TMEM132D: variants seen among roughly 807,000 people sequenced by gnomAD.
The protein encoded by TMEM132D is mature OL transmembrane protein.
Under a neutral mutation model 62.3 loss-of-function variants are expected in TMEM132D, and 21 were observed. The ratio of observed to expected loss-of-function variants is 0.34; its 90% CI spans 0.24 to 0.49. TMEM132D has a LOEUF of 0.49. Ranked by LOEUF, TMEM132D falls within the 20% of genes least tolerant of loss-of-function variation. The probability of loss-of-function intolerance (pLI) is 0.99; values close to 1 mark genes in which losing one functional copy is unlikely to be tolerated. For missense variants in TMEM132D, 1,346 were observed against 1,402.8 expected (o/e 0.96, Z 0.65); for synonymous variants, 621 against 575.6 (o/e 1.08, Z -1.13).
intron 1 of TMEM132D, among the ~76,000 whole-genome samples, chr12:129,807,105 C>T (rs1362744045): frequency 6.6e-6 from 1 of 152,146 alleles, no homozygotes; most frequent in African/African-American, 2.4e-5. Context: ...GAGGATTTTA[C>T]ATGAACATGA....
chr12:129,184,464 C>G (rs1878163148), intron 5 of TMEM132D, among the ~76,000 whole-genome samples: 1 of 152,302 alleles, frequency 6.6e-6, no homozygotes, highest in East Asian at 1.9e-4. Flanking sequence ...ATTTCTGGGC[C>G]GTCTGGCTGA....
At chr12:129,240,686 C>T (rs1395599571) in intron 4 of TMEM132D, among the ~76,000 whole-genome samples, 1 of 152,192 alleles carries the variant, frequency 6.6e-6, no homozygotes, top group African/African-American at 2.4e-5. Context: ...CAAGATAGAA[C>T]TCTTCAAGGT....
intron 3 of TMEM132D, among the ~76,000 whole-genome samples, chr12:129,395,512 C>G (rs6486458): frequency 1.3e-5 from 2 of 152,018 alleles, no homozygotes; most frequent in East Asian, 3.9e-4. Context: ...AGGACGTTCA[C>G]TGCAACGTTT....
chr12:129,632,811 TACCTGAAGTC>T (rs1242754927), intron 2 of TMEM132D, among the ~76,000 whole-genome samples: 2 of 152,228 alleles, frequency 1.3e-5, no homozygotes, highest in African/African-American at 4.8e-5. Context: ...GCCTTATTAA[TACCTGAAGTC>T]ACTAACTATT....
At chr12:129,188,754 GGAGAGAGGGAGAGA>G (rs60353858) in intron 5 of TMEM132D, among the ~76,000 whole-genome samples, 27,111 of 121,742 alleles carry the variant, frequency 0.22, 2,137 homozygotes, top group East Asian at 0.42. Context: ...AGAGGGGGAG[GGAGAGAGGGAGAGA>G]GAGAGAGAGA....
intron 5 of TMEM132D, among the ~76,000 whole-genome samples, chr12:129,102,192 C>T (rs1267269964): frequency 6.6e-6 from 1 of 152,190 alleles, no homozygotes; most frequent in Non-Finnish European, 1.5e-5. Flanking sequence ...AACGAGGCTG[C>T]ATTCATGAAT....
intron 5 of TMEM132D, among the ~76,000 whole-genome samples, chr12:129,189,087 G>C (rs1423533570): frequency 1.3e-5 from 2 of 151,676 alleles, no homozygotes; most frequent in Admixed American, 1.3e-4. Flanking sequence ...TATTTTACAG[G>C]GAAAGGGAGG....
At chr12:129,865,203 T>C (rs946661545) in intron 1 of TMEM132D, among the ~76,000 whole-genome samples, 1 of 151,936 alleles carries the variant, frequency 6.6e-6, no homozygotes, top group African/African-American at 2.4e-5. Context: ...GGCACTGGAG[T>C]GCTGAGGGGT....
intron 3 of TMEM132D, among the ~76,000 whole-genome samples, chr12:129,374,498 G>C (rs930280358): frequency 2.6e-5 from 4 of 152,122 alleles, no homozygotes; most frequent in Non-Finnish European, 5.9e-5. Context: ...GGGATTCATA[G>C]GTGAATTTAG....
Position 129,509,964 on chromosome 12 carries a change from C to T in TMEM132D, c.1115+21095G>A, listed in dbSNP as rs757268367. Among the ~76,000 whole-genome samples, 31 of 152,062 alleles carry T rather than the reference C, an allele frequency of 2.0e-4. 1 individual carries two copies. The highest frequency in any genetic ancestry group is 4.0e-4 in the Non-Finnish European group (27 of 68,002). ...AGATATCTCTTTGATATACTGATTC[C>T]CTTTCTTTTGGGTATATACCGAGCA... On this transcript the variant is annotated intron_variant, in intron 3 of 8. Transcript: ENST00000422113.
At chr12:129,901,631 T>C (rs535730110) in intron 1 of TMEM132D, among the ~76,000 whole-genome samples, 34 of 152,330 alleles carry the variant, frequency 2.2e-4, no homozygotes, top group African/African-American at 7.9e-4. Flanking sequence ...TTTAAGGACA[T>C]GTTCAGTGTT....
intron 2 of TMEM132D, among the ~76,000 whole-genome samples, chr12:129,538,543 T>G (rs915137448): frequency 1.3e-5 from 2 of 152,188 alleles, no homozygotes; most frequent in Non-Finnish European, 2.9e-5. Context: ...TACTAAACCC[T>G]ATACATACTA....
intron 3 of TMEM132D, among the ~76,000 whole-genome samples, chr12:129,515,240 T>C (rs1180100005): frequency 6.6e-6 from 1 of 152,224 alleles, no homozygotes; most frequent in Non-Finnish European, 1.5e-5. Context: ...CGCTGTGTCT[T>C]GTTGCTGTCG....
At chr12:129,332,980 A>G (rs554055524) in intron 4 of TMEM132D, among the ~76,000 whole-genome samples, 49 of 152,344 alleles carry the variant, frequency 3.2e-4, no homozygotes, top group African/African-American at 9.9e-4. Flanking sequence ...TAAACTATAC[A>G]CTTACAATGG....
At chr12:129,374,268 T>TAAGAGAGAGAGAGAGAGA (rs1566048946) in intron 3 of TMEM132D, among the ~76,000 whole-genome samples, 1 of 28,276 alleles carries the variant, frequency 3.5e-5, no homozygotes, top group African/African-American at 1.3e-4. Context: ...ACCTCACACA[T>TAAGAGAGAGAGAGAGAGA]CAGAGAGAGA....
chr12:129,584,050 A>T (rs978013181), intron 2 of TMEM132D, among the ~76,000 whole-genome samples: 4 of 152,174 alleles, frequency 2.6e-5, no homozygotes, highest in Non-Finnish European at 5.9e-5. Context: ...AAAAGTTAGA[A>T]ATTTTAAATC....
intron 5 of TMEM132D, among the ~76,000 whole-genome samples, chr12:129,100,502 C>T (rs1362257473): frequency 1.3e-5 from 2 of 152,218 alleles, no homozygotes; most frequent in Non-Finnish European, 1.5e-5. Context: ...CTGACTGATG[C>T]AGTGCAGTCA....
At chr12:129,896,681 C>T (rs35680367) in intron 1 of TMEM132D, among the ~76,000 whole-genome samples, 13,821 of 152,052 alleles carry the variant, frequency 0.091, 1,271 homozygotes, top group African/African-American at 0.24. Flanking sequence ...TTTGGAACCT[C>T]TTGTCTTTCC....
At chr12:129,511,634 A>G (rs1875499936) in intron 3 of TMEM132D, among the ~76,000 whole-genome samples, 1 of 152,116 alleles carries the variant, frequency 6.6e-6, no homozygotes, top group Non-Finnish European at 1.5e-5. Context: ...CTGTATATCT[A>G]CTTTTGTGAA....
Sources: gnomAD v4.1 joint callset for allele counts (sites outside exome capture counted in the v4.1 genomes callset) on GRCh38, gnomAD v4.1.1 for gene constraint, MANE v1.5 for transcripts, NCBI Gene and HGNC (gene_info 2026-07-23, HGNC 2026-07-21) for gene names.